The following CHIC1 variants were observed in gnomAD, a reference collection of about 807,000 sequenced individuals.
CHIC1 encodes the protein cysteine rich hydrophobic domain 1.
In CHIC1, 7 loss-of-function variants were observed where a neutral mutation model predicts 18.5. That is an observed-to-expected ratio of 0.38 (90% CI 0.22 to 0.71). CHIC1 has a LOEUF of 0.71. Among genes scored for constraint, CHIC1 ranks in the 30% least tolerant of loss-of-function variants. CHIC1 has a pLI of 0.49. For missense variants in CHIC1, 159 were observed against 176.9 expected, an observed-to-expected ratio of 0.90 and a Z score of 0.57; for synonymous variants, 77 against 73.5, an observed-to-expected ratio of 1.05 and a Z score of -0.25.
chrX:73,672,847 A>G (rs1413855259), intron 3 of CHIC1, among the ~76,000 whole-genome samples: 32 of 111,771 alleles, frequency 2.9e-4, no homozygotes, highest in African/African-American at 1.0e-3. Flanking sequence ...GCCCATGCCT[A>G]TGTCCTGAAT....
intron 3 of CHIC1, among the ~76,000 whole-genome samples, chrX:73,643,745 T>C: frequency 8.9e-6 from 1 of 111,957 alleles, no homozygotes; most frequent in South Asian, 3.8e-4. Flanking sequence ...TTCTCTGCAT[T>C]GGTTATTCTT....
Position 73,570,848 on chromosome X carries a change from T to A in CHIC1, c.297-6559T>A, listed in dbSNP as rs1271860330. 2.7e-5 allele frequency among the ~76,000 whole-genome samples: 3 copies of A among 110,631 alleles called. No homozygotes were observed. In the Admixed American group the frequency reaches 2.9e-4, roughly 11 times the overall value. ...TAAGGGCAGAATGAAAGAATGGGAA[T>A]GTTAGGAAGGAAGTGATCAACAGTG... is the stretch of plus-strand genomic sequence containing the variant. On this transcript the variant is annotated intron_variant, in intron 1 of 5. Coordinates refer to ENST00000373502, the MANE Select transcript of CHIC1 (RefSeq NM_001039840.4).
At chrX:73,666,726 T>C (rs1272368963) in intron 3 of CHIC1, among the ~76,000 whole-genome samples, 1 of 112,436 alleles carries the variant, frequency 8.9e-6, no homozygotes, top group Non-Finnish European at 1.9e-5. Flanking sequence ...TGAGAGACTA[T>C]TATGATTTCT....
At chrX:73,617,197 G>T (rs1175311783) in intron 3 of CHIC1, among the ~76,000 whole-genome samples, 2 of 111,871 alleles carry the variant, frequency 1.8e-5, no homozygotes, top group African/African-American at 6.5e-5. Flanking sequence ...AATGCCGCCA[G>T]TCTCTTTGCT....
intron 3 of CHIC1, among the ~76,000 whole-genome samples, chrX:73,658,459 G>A (rs1280836637): frequency 9.4e-6 from 1 of 106,903 alleles, no homozygotes; most frequent in Non-Finnish European, 1.9e-5. Context: ...ATGGTTTGTT[G>A]TATTTCTATG....
chrX:73,630,106 A>G (rs1464813605), intron 3 of CHIC1, among the ~76,000 whole-genome samples: 1 of 111,934 alleles, frequency 8.9e-6, no homozygotes, highest in Non-Finnish European at 1.9e-5. Context: ...TTGTTTTTGT[A>G]TTCAAACCTT....
chrX:73,584,461 A>C lies in CHIC1; in HGVS notation c.396A>C (p.Ala132=). The change falls in exon 3 of 6, where the codon GCA becomes GCC. Residue 132 remains alanine, a synonymous_variant. Coordinates refer to ENST00000373502, the MANE Select transcript of CHIC1 (RefSeq NM_001039840.4). The part of the protein sequence containing the change: ...EFKTSIGRVN[A]CLKKALPVNV... ...AAACCAGCATTGGCCGTGTGAATGC[A>C]TGTTTGAAAAAGGCTCTCCCGGTCA... 1.7e-6 allele frequency: 2 copies of C among 1,181,006 alleles called. No individual in the cohort carries two copies. Among genetic ancestry groups the C allele is most frequent in the Non-Finnish European group, 2.3e-6 (2 of 878,796 alleles).
At chrX:73,670,275 C>T (rs2058023570) in intron 3 of CHIC1, among the ~76,000 whole-genome samples, 1 of 111,483 alleles carries the variant, frequency 9.0e-6, no homozygotes, top group Non-Finnish European at 1.9e-5. Flanking sequence ...CTAGATATTT[C>T]GGTTGAAGGT....
chrX:73,567,801 GT>G (rs1309674858), intron 1 of CHIC1, among the ~76,000 whole-genome samples: 8 of 103,651 alleles, frequency 7.7e-5, no homozygotes, highest in Admixed American at 1.0e-4. Context: ...ACAGCATGCT[GT>G]TTTTTTTTTT....
In CHIC1 at chrX:73,604,491, C is replaced by T. The variant is rs892030387; in HGVS notation, c.507+19919C>T. Among the ~76,000 whole-genome samples the T allele has an allele frequency of 7.0e-4, 75 of 107,552 alleles. 6 individuals carry two copies. The highest frequency in any genetic ancestry group is 2.0e-3 in the African/African-American group (55 of 27,201). 93.4% of individuals were successfully genotyped at this position (107,552 alleles called of 115,157 possible). On this transcript the variant is annotated intron_variant, in intron 3 of 5. Coordinates refer to ENST00000373502, the MANE Select transcript of CHIC1 (RefSeq NM_001039840.4). The stretch of plus-strand genomic sequence containing the variant: ...TCATTGATTTTTTTGAAGGGTTTTT[C>T]GTGTCTCTATCTCCCAGTTCTGCTC...
chrX:73,639,023 T>C (rs755820335), intron 3 of CHIC1, among the ~76,000 whole-genome samples: 1 of 111,829 alleles, frequency 8.9e-6, no homozygotes, highest in South Asian at 3.7e-4. Context: ...ACAATTTATA[T>C]TCCTTTGGGT....
intron 3 of CHIC1, among the ~76,000 whole-genome samples, chrX:73,658,485 T>C (rs950876238): frequency 9.2e-6 from 1 of 108,605 alleles, no homozygotes; most frequent in African/African-American, 3.4e-5. Context: ...AGTGGTGTTA[T>C]TTTCCTTATC....
chrX:73,594,142 CTTTGT>C (rs199752892), intron 3 of CHIC1, among the ~76,000 whole-genome samples: 10,013 of 101,439 alleles, frequency 0.099, 616 homozygotes, highest in African/African-American at 0.19. Flanking sequence ...AGGTGCTTTC[CTTTGT>C]TTTGTTTTGT....
chrX:73,566,460 C>A (rs746519735), intron 1 of CHIC1, among the ~76,000 whole-genome samples: 1 of 109,903 alleles, frequency 9.1e-6, no homozygotes, highest in Non-Finnish European at 1.9e-5. Context: ...TCTCTTCCAG[C>A]CTCCTCCCAG....
At chrX:73,662,717 T>C in intron 3 of CHIC1, among the ~76,000 whole-genome samples, 1 of 109,895 alleles carries the variant, frequency 9.1e-6, no homozygotes, top group Non-Finnish European at 1.9e-5. Context: ...GAAGTTAGTA[T>C]GTACCTGAGA....
At chrX:73,567,021 C>T (rs2057448034) in intron 1 of CHIC1, among the ~76,000 whole-genome samples, 1 of 111,686 alleles carries the variant, frequency 9.0e-6, no homozygotes, top group African/African-American at 3.3e-5. Flanking sequence ...AACTCCTTGG[C>T]CACTTCATTC....
At chrX:73,629,288 G>C (rs2057797204) in intron 3 of CHIC1, among the ~76,000 whole-genome samples, 1 of 110,697 alleles carries the variant, frequency 9.0e-6, no homozygotes, top group South Asian at 3.8e-4. Flanking sequence ...TTGTCTCCTT[G>C]GCTGTGCAGA....
At chrX:73,615,507 A>G (rs1262100330) in intron 3 of CHIC1, among the ~76,000 whole-genome samples, 1 of 112,118 alleles carries the variant, frequency 8.9e-6, no homozygotes, top group Non-Finnish European at 1.9e-5. Flanking sequence ...ACAAGTCCCC[A>G]GGCCTTCAAA....
intron 3 of CHIC1, among the ~76,000 whole-genome samples, chrX:73,634,082 A>G (rs1056141878): frequency 9.0e-6 from 1 of 111,681 alleles, no homozygotes; most frequent in Non-Finnish European, 1.9e-5. Flanking sequence ...TTTTTGTGGT[A>G]TCATATTTCC....
Sources: allele counts gnomAD v4.1 joint callset (sites outside exome capture counted in the v4.1 genomes callset), GRCh38; gene constraint gnomAD v4.1.1; transcripts MANE v1.5; gene names NCBI Gene and HGNC (gene_info 2026-07-23, HGNC 2026-07-21).